The following FBXO47 variants were observed in gnomAD, a reference collection of about 807,000 sequenced individuals.
The protein encoded by FBXO47 is F-box only protein 47.
A neutral mutation model predicts 53.9 loss-of-function variants in FBXO47; 34 were observed. The ratio of observed to expected loss-of-function variants is 0.63; its 90% CI spans 0.48 to 0.84. The LOEUF is 0.84. FBXO47 is among the 40% of genes least tolerant of loss of function. The pLI is 0.00. For missense variants in FBXO47, 485 were observed against 541.3 expected (o/e 0.90, Z 1.03); for synonymous variants, 165 against 181.6 (o/e 0.91, Z 0.73).
intron 9 of FBXO47, among the ~76,000 whole-genome samples, chr17:38,941,357 T>C (rs1400461597): frequency 1.3e-5 from 2 of 150,488 alleles, no homozygotes; most frequent in Non-Finnish European, 3.0e-5. Flanking sequence ...TTTAGTAGAG[T>C]TGGCATTTCA....
Position 38,938,655 on chromosome 17 carries a change from T to C in FBXO47, c.1161A>G (p.Pro387=), listed in dbSNP as rs1904361137. 1 of 1,613,626 alleles carries C rather than the reference T, an allele frequency of 6.2e-7. No individual in the cohort carries two copies. The highest frequency in any genetic ancestry group is 1.3e-5 in the African/African-American group (1 of 74,930). ...TCTGCAGGAAGTTCTTTCTTTCCACTGGAGTGCTAAAGACTTTGCAGACTT... is the reference window on the plus strand; with the variant it reads ...TCTGCAGGAAGTTCTTTCTTTCCACCGGAGTGCTAAAGACTTTGCAGACTT... The part of the protein sequence containing the change: ...MQKVCKVFST[P]VERKNFLQNV... The change falls in exon 10 of 11, where the codon CCA becomes CCG. Residue 387 remains proline, a synonymous_variant. Transcript: ENST00000378079.
At chr17:38,959,505 A>G (rs1369922700) in intron 3 of FBXO47, among the ~76,000 whole-genome samples, 1 of 145,268 alleles carries the variant, frequency 6.9e-6, no homozygotes, top group Non-Finnish European at 1.5e-5. Flanking sequence ...GCTTGAACCC[A>G]GGAGGCAGAG....
intron 3 of FBXO47, among the ~76,000 whole-genome samples, chr17:38,958,017 G>T (rs981629673): frequency 2.6e-5 from 4 of 151,966 alleles, no homozygotes; most frequent in Non-Finnish European, 5.9e-5. Context: ...TATTTTTAGT[G>T]ACGAGGTTTC....
chr17:38,946,113 CATAA>C lies in FBXO47; in HGVS notation c.617-981_617-978del, dbSNP rs1263907590. Among the ~76,000 whole-genome samples the C allele has an allele frequency of 3.8e-4, 35 of 93,322 alleles. 1 individual carries two copies. Among genetic ancestry groups the C allele is most frequent in the Middle Eastern group, 5.7e-3 (1 of 176 alleles). The allele number at this position is 93,322 out of a possible 152,430, so 61.2% of individuals were successfully genotyped here. A position where few individuals can be genotyped will look rare whatever the true frequency, so the allele number is the denominator to read the frequency against. ...ATAAATATATATTTATATATAAATA[CATAA>C]ATAAATATATATACATATATAAATA... is the stretch of plus-strand genomic sequence containing the variant. On this transcript the variant is annotated intron_variant, in intron 6 of 10. Transcript: ENST00000378079.
chr17:38,939,724 GTGGCGCAAT>G, intron 9 of FBXO47, among the ~76,000 whole-genome samples: 2 of 132,894 alleles, frequency 1.5e-5, no homozygotes, highest in Non-Finnish European at 3.1e-5. Flanking sequence ...GCGGACTGCA[GTGGCGCAAT>G]CTCGGCTCAC....
intron 6 of FBXO47, among the ~76,000 whole-genome samples, chr17:38,948,683 T>C (rs1905061089): frequency 6.6e-6 from 1 of 152,120 alleles, no homozygotes; most frequent in South Asian, 2.1e-4. Context: ...ATGTGCAAGA[T>C]GTGCAGGTTA....
intron 9 of FBXO47, 69 bp from the exon 10 acceptor site, chr17:38,938,801 C>A: frequency 1.6e-6 from 2 of 1,219,734 alleles, no homozygotes; most frequent in Non-Finnish European, 2.3e-6. Flanking sequence ...AAATGGTGAA[C>A]AATGATGAAT....
chr17:38,946,165 AAT>A (rs1471489759), intron 6 of FBXO47, among the ~76,000 whole-genome samples: 1 of 117,166 alleles, frequency 8.5e-6, no homozygotes, highest in Non-Finnish European at 1.6e-5. Context: ...AAAATATATA[AAT>A]ATATAAAAAT....
intron 4 of FBXO47, among the ~76,000 whole-genome samples, chr17:38,956,899 T>C (rs1202896850): frequency 6.6e-6 from 1 of 152,212 alleles, no homozygotes; most frequent in African/African-American, 2.4e-5. Flanking sequence ...AGGATTTGTA[T>C]GTGGTGTAAA....
At chr17:38,957,589 C>T (rs1046960260) in intron 3 of FBXO47, among the ~76,000 whole-genome samples, 1 of 151,888 alleles carries the variant, frequency 6.6e-6, no homozygotes, top group African/African-American at 2.4e-5. Context: ...GTCTTTATTC[C>T]ACAGAAAACA....
chr17:38,964,800 A>G (rs1178757501), intron 1 of FBXO47, among the ~76,000 whole-genome samples: 1 of 152,140 alleles, frequency 6.6e-6, no homozygotes, highest in Non-Finnish European at 1.5e-5. Flanking sequence ...AAAATCACTG[A>G]TTATTTACTT....
chr17:38,965,836 T>G (rs1906085641), intron 1 of FBXO47, among the ~76,000 whole-genome samples: 2 of 142,028 alleles, frequency 1.4e-5, no homozygotes, highest in Non-Finnish European at 3.0e-5. Flanking sequence ...TGAGCCGAGA[T>G]CACACCACTG....
At chr17:38,946,509 T>TATAAATATATATGAATATATATAACTAC (rs1567716881) in intron 6 of FBXO47, among the ~76,000 whole-genome samples, 11 of 85,186 alleles carry the variant, frequency 1.3e-4, no homozygotes, top group Admixed American at 1.9e-4. Flanking sequence ...TATATAACTA[T>TATAAATATATATGAATATATATAACTAC]ATAAATATAT....
chr17:38,947,626 A>G (rs1376039445), intron 6 of FBXO47, among the ~76,000 whole-genome samples: 2 of 152,088 alleles, frequency 1.3e-5, no homozygotes, highest in Non-Finnish European at 2.9e-5. Context: ...TTTTAGATTA[A>G]CGGCCAGGCG....
rs1598137438 is a variant in FBXO47, at chr17:38,943,806, A to T, written c.794-70T>A. The stretch of plus-strand genomic sequence containing the variant: ...GTGATAAAGACTTGTTTAAAAAGGA[A>T]AGTGAATTGCACAATGGAATCCCAT... On this transcript the variant is annotated intron_variant, in intron 7 of 10. Transcript: ENST00000378079. The T allele has an allele frequency of 4.4e-6, 6 of 1,354,096 alleles. No individual in the cohort carries two copies. The East Asian group carries it at 1.2e-4, about 27-fold the overall frequency. 83.9% of individuals were successfully genotyped at this position (1,354,096 alleles called of 1,614,324 possible). A position where few individuals can be genotyped will look rare whatever the true frequency, so the allele number is the denominator to read the frequency against.
chr17:38,937,259 C>CA lies in FBXO47; in HGVS notation c.1274dup (p.Leu425PhefsTer12). 1 of 1,607,614 alleles carries CA rather than the reference C, an allele frequency of 6.2e-7. No homozygotes were observed. The highest frequency in any genetic ancestry group is 8.5e-7 in the Non-Finnish European group (1 of 1,175,278). On this transcript the variant is annotated frameshift_variant, in exon 11 of 11. Coordinates refer to ENST00000378079, the MANE Select transcript of FBXO47 (RefSeq NM_001008777.3). LOFTEE classifies it high-confidence loss of function. ...GAGCATGTACAAGATGGAACAAATT[C>CA]AAAAAGCTTCTGTCATCTTCATCAC...
At chr17:38,957,354 A>C in intron 3 of FBXO47, 101 bp from the exon 4 acceptor site, 6 of 744,966 alleles carry the variant, frequency 8.1e-6, no homozygotes, top group East Asian at 2.5e-5. Flanking sequence ...ATGGTATATC[A>C]CAGTGGACTA....
At chr17:38,958,362 C>A (rs1270458872) in intron 3 of FBXO47, among the ~76,000 whole-genome samples, 1 of 151,076 alleles carries the variant, frequency 6.6e-6, no homozygotes, top group Admixed American at 6.6e-5. Flanking sequence ...TTTTTCCCCA[C>A]AGAAAGTATC....
chr17:38,951,480 C>T (rs1905279374), intron 6 of FBXO47, 101 bp downstream of exon 6: 4 of 832,124 alleles, frequency 4.8e-6, no homozygotes, highest in Admixed American at 2.8e-5. Flanking sequence ...AGGCATGAGC[C>T]ACTACACCTG....
Sources: allele counts gnomAD v4.1 joint callset (sites outside exome capture counted in the v4.1 genomes callset), GRCh38; gene constraint gnomAD v4.1.1; transcripts MANE v1.5; gene names NCBI Gene and HGNC (gene_info 2026-07-23, HGNC 2026-07-21).